The following CSF2RA variants were observed in gnomAD, a reference collection of about 807,000 sequenced individuals.
CSF2RA encodes the protein granulocyte-macrophage colony-stimulating factor receptor subunit alpha.
In CSF2RA, 42 loss-of-function variants were observed where a neutral mutation model predicts 51.6. That is an observed-to-expected ratio of 0.81 (90% CI 0.64 to 1.05). The LOEUF is 1.05. CSF2RA is among the 50% of genes least tolerant of loss of function. The pLI is 0.00. For missense variants in CSF2RA, 530 were observed against 501.1 expected, an observed-to-expected ratio of 1.06 and a Z score of -0.55; for synonymous variants, 222 against 193.0, an observed-to-expected ratio of 1.15 and a Z score of -1.24.
intron 4 of CSF2RA, among the ~76,000 whole-genome samples, chrX:1,286,221 C>T (rs765244681): frequency 3.4e-4 from 51 of 151,940 alleles, no homozygotes; most frequent in African/African-American, 6.7e-4. Context: ...TGCAGTGAGT[C>T]GAGCTCGTGC....
intron 8 of CSF2RA, 61 bp downstream of exon 8, chrX:1,294,522 A>G: frequency 1.9e-6 from 3 of 1,606,910 alleles, no homozygotes; most frequent in South Asian, 2.2e-5. Context: ...ACGCCCGCAC[A>G]GGAGCCTGGG....
At chrX:1,315,566 G>A in the CSF2RA span, among the ~76,000 whole-genome samples, 3 of 152,040 alleles carry the variant, frequency 2.0e-5, no homozygotes, top group African/African-American at 7.2e-5. Context: ...ACCACCCCCA[G>A]CCAATTTTTT....
chrX:1,306,731 A>G (rs748139684), intron 12 of CSF2RA, among the ~76,000 whole-genome samples: 1 of 151,958 alleles, frequency 6.6e-6, no homozygotes, highest in East Asian at 1.9e-4. Flanking sequence ...GGGGAGAGAG[A>G]CAAAGACAGA....
At chrX:1,324,851 C>A in the CSF2RA span, among the ~76,000 whole-genome samples, 1,211 of 152,108 alleles carry the variant, frequency 8.0e-3, 15 homozygotes, top group African/African-American at 0.028. Context: ...ACTCTGAGGA[C>A]CCCTGAGGGA....
Position 1,303,973 on chromosome X carries a change from G to A in CSF2RA, c.997G>A (p.Val333Met), listed in dbSNP as rs150290042. ...GSVYIYVLLI[V>M]GTLVCGIVLG... is the part of the protein sequence containing the mutation. ...TGTGTACATTTATGTGCTCCTAATC[G>A]TGGGAACCCTTGTCTGTGGCATCGT... The change falls in exon 11 of 13, where the codon GTG (valine) becomes ATG (methionine). Residue 333 changes from valine to methionine, a missense_variant. Transcript: ENST00000381529. The A allele has an allele frequency of 3.7e-4, 591 of 1,613,180 alleles. No individual in the cohort carries two copies. In the African/African-American group the frequency reaches 7.0e-3, roughly 19 times the overall value.
intron 6 of CSF2RA, 146 bp from the exon 7 acceptor site, chrX:1,290,191 G>A (rs1193530977): frequency 7.0e-6 from 4 of 572,934 alleles, no homozygotes; most frequent in Non-Finnish European, 1.2e-5. Context: ...GTGTTTTTGT[G>A]GGTTTTTTTT....
intron 2 of CSF2RA, among the ~76,000 whole-genome samples, chrX:1,280,963 T>TGC (rs2089904865): frequency 1.0e-5 from 1 of 100,436 alleles, no homozygotes; most frequent in African/African-American, 3.3e-5. Context: ...CTCCTCCTCC[T>TGC]TCTCCTCCTC....
chrX:1,278,825 G>A, intron 2 of CSF2RA, among the ~76,000 whole-genome samples: 2 of 149,316 alleles, frequency 1.3e-5, no homozygotes, highest in African/African-American at 2.5e-5. Flanking sequence ...ATCACCTGAG[G>A]TCAGAAGTTC....
chrX:1,310,558 CTCGGGAGG>C (rs779385780), downstream of CSF2RA, among the ~76,000 whole-genome samples: 305 of 150,818 alleles, frequency 2.0e-3, no homozygotes, highest in African/African-American at 7.3e-3. Context: ...GTCCCAGCTA[CTCGGGAGG>C]CTGAGGCAGG....
chrX:1,309,751 G>A lies in CSF2RA; in HGVS notation c.*272G>A, dbSNP rs772854507. 64 of 695,342 alleles carry A rather than the reference G, an allele frequency of 9.2e-5. No homozygotes were observed. Among genetic ancestry groups the A allele is most frequent in the East Asian group, 4.3e-4 (16 of 36,920 alleles). The allele number at this position is 695,342 out of a possible 1,614,324, so 43.1% of individuals were successfully genotyped here. On this transcript the variant is annotated 3_prime_UTR_variant, in exon 13 of 13. Transcript: ENST00000381529. ...AAAATGCAGAAATTTACCCAGGCAC[G>A]GCGGCGGACGCCCATCATCCCAGCT...
intron 3 of CSF2RA, among the ~76,000 whole-genome samples, chrX:1,283,484 CTCTTTCTT>C (rs201839672): frequency 6.1e-5 from 8 of 131,368 alleles, no homozygotes; most frequent in Admixed American, 1.7e-4. Flanking sequence ...CTCTCTCTCT[CTCTTTCTT>C]TCTTTCTTTC....
At chrX:1,325,001 G>A in the CSF2RA span, among the ~76,000 whole-genome samples, 7 of 152,028 alleles carry the variant, frequency 4.6e-5, no homozygotes, top group East Asian at 7.8e-4. Context: ...ACTGGCCACC[G>A]ACACCAGGTT....
chrX:1,314,281 C>G (rs112095542), downstream of CSF2RA, among the ~76,000 whole-genome samples: 102 of 39,750 alleles, frequency 2.6e-3, 12 homozygotes, highest in African/African-American at 8.4e-3. Flanking sequence ...CTGCCCAACC[C>G]CACTGCATCT....
intron 1 of CSF2RA, among the ~76,000 whole-genome samples, chrX:1,269,738 G>T (rs1478434418): frequency 1.3e-5 from 2 of 152,034 alleles, no homozygotes; most frequent in Admixed American, 1.3e-4. Context: ...CAGACTTCAA[G>T]AACGGGTTCT....
At chrX:1,303,851 C>T (rs1437121274) in intron 10 of CSF2RA, 72 bp from the exon 11 acceptor site, 74 of 1,301,142 alleles carry the variant, frequency 5.7e-5, no homozygotes, top group South Asian at 5.1e-4. Flanking sequence ...TTTGGACACC[C>T]GAAGAGATTT....
chrX:1,307,674 T>C (rs1352853347), intron 12 of CSF2RA, among the ~76,000 whole-genome samples: 1 of 146,490 alleles, frequency 6.8e-6, no homozygotes, highest in African/African-American at 2.5e-5. Flanking sequence ...CCCTCCCCTT[T>C]ATACCTTCGA....
the CSF2RA span, among the ~76,000 whole-genome samples, chrX:1,321,897 G>A: frequency 3.3e-5 from 5 of 152,012 alleles, no homozygotes; most frequent in East Asian, 1.9e-4. Flanking sequence ...TTGGGAGGCC[G>A]AGGTGTGGGT....
In CSF2RA at chrX:1,300,037, G is replaced by A. The variant is rs759771392; in HGVS notation, c.811-454G>A. 2.1e-4 allele frequency among the ~76,000 whole-genome samples: 32 copies of A among 151,784 alleles called. No homozygotes were observed. The South Asian group carries it at 5.6e-3, about 27-fold the overall frequency. On this transcript the variant is annotated intron_variant, in intron 9 of 12. Coordinates refer to ENST00000381529, the MANE Select transcript of CSF2RA (RefSeq NM_172245.4). ...TCGAGACCATCCTGGCCAACATGGT[G>A]AAACCCCGTCTCCACTAAAAATACA... is the stretch of plus-strand genomic sequence containing the variant.
chrX:1,270,841 A>G (rs1464145756), intron 1 of CSF2RA, among the ~76,000 whole-genome samples: 2 of 129,394 alleles, frequency 1.5e-5, no homozygotes, highest in Non-Finnish European at 3.4e-5. Flanking sequence ...GGAGTTCGAG[A>G]CCAGCCTGGC....
Sources: gnomAD v4.1 joint callset for allele counts (sites outside exome capture counted in the v4.1 genomes callset) on GRCh38, gnomAD v4.1.1 for gene constraint, MANE v1.5 for transcripts, NCBI Gene and HGNC (gene_info 2026-07-23, HGNC 2026-07-21) for gene names.